ZC3H12B: variants seen among roughly 807,000 people sequenced by gnomAD.
ZC3H12B encodes probable ribonuclease ZC3H12B.
A neutral mutation model predicts 43.9 loss-of-function variants in ZC3H12B; 7 were observed. The observed-to-expected ratio is 0.16, with a 90% CI of 0.09 to 0.30. ZC3H12B has a LOEUF of 0.30. Ranked by LOEUF, ZC3H12B falls within the 10% of genes least tolerant of loss-of-function variation. The pLI is 1.00. For synonymous variants in ZC3H12B, 222 were observed against 241.7 expected (o/e 0.92, Z 0.76); for missense variants, 475 against 670.2 (o/e 0.71, Z 3.22).
chrX:65,205,335 T>G, the ZC3H12B span, among the ~76,000 whole-genome samples: 2 of 111,638 alleles, frequency 1.8e-5, no homozygotes, highest in African/African-American at 6.5e-5. Flanking sequence ...AACCAAAATT[T>G]TAAAGAGTTG....
the ZC3H12B span, among the ~76,000 whole-genome samples, chrX:65,040,177 G>A: frequency 9.0e-6 from 1 of 111,368 alleles, no homozygotes; most frequent in East Asian, 2.8e-4. Flanking sequence ...TGTGACATAA[G>A]TAATAAGTTT....
the ZC3H12B span, among the ~76,000 whole-genome samples, chrX:65,259,223 C>A: frequency 5.4e-5 from 6 of 111,694 alleles, no homozygotes; most frequent in Non-Finnish European, 9.4e-5. Flanking sequence ...GACACATAAA[C>A]TAATGGATCA....
At chrX:65,379,956 G>T (rs1602345759) in intron 2 of ZC3H12B, among the ~76,000 whole-genome samples, 1 of 112,293 alleles carries the variant, frequency 8.9e-6, no homozygotes, top group Non-Finnish European at 1.9e-5. Context: ...ATGGGACTAT[G>T]TGAAAAGACC....
the ZC3H12B span, among the ~76,000 whole-genome samples, chrX:65,101,752 A>G: frequency 3.6e-5 from 4 of 111,959 alleles, no homozygotes. Flanking sequence ...GTAATTAACA[A>G]CCTACCAACC....
chrX:65,278,525 T>A, the ZC3H12B span, among the ~76,000 whole-genome samples: 16 of 112,138 alleles, frequency 1.4e-4, no homozygotes, highest in Admixed American at 6.6e-4. Context: ...ACTTTTTTGA[T>A]AATCTTGCTT....
chrX:65,448,399 C>T (rs1258047059), intron 3 of ZC3H12B, among the ~76,000 whole-genome samples: 2 of 111,917 alleles, frequency 1.8e-5, no homozygotes, highest in Non-Finnish European at 3.8e-5. Context: ...GGGTATCTAC[C>T]CCTTCTTTAA....
intron 1 of ZC3H12B, among the ~76,000 whole-genome samples, chrX:65,491,684 G>C (rs2068204905): frequency 9.8e-6 from 1 of 102,047 alleles, no homozygotes. Flanking sequence ...TCCACCTTGA[G>C]TGATGGAGTG....
intron 3 of ZC3H12B, among the ~76,000 whole-genome samples, chrX:65,467,781 C>T (rs1014759680): frequency 2.7e-5 from 3 of 112,136 alleles, no homozygotes; most frequent in African/African-American, 9.7e-5. Flanking sequence ...ATCACTTGCC[C>T]ACTTTTTGAT....
At chrX:65,432,931 A>T (rs1426257225) in intron 3 of ZC3H12B, among the ~76,000 whole-genome samples, 3 of 112,336 alleles carry the variant, frequency 2.7e-5, no homozygotes, top group East Asian at 5.6e-4. Context: ...AGAAGACAGA[A>T]ATCAAGATCC....
the ZC3H12B span, among the ~76,000 whole-genome samples, chrX:65,116,835 C>T: frequency 9.0e-6 from 1 of 111,240 alleles, no homozygotes; most frequent in East Asian, 2.9e-4. Context: ...TCTTGTGATA[C>T]TTTGCTCAGA....
the ZC3H12B span, among the ~76,000 whole-genome samples, chrX:65,239,826 C>T: frequency 8.0e-5 from 9 of 111,984 alleles, no homozygotes; most frequent in African/African-American, 2.6e-4. Context: ...TTCTCTCTCA[C>T]TTGTGAAGCT....
chrX:65,379,718 A>C (rs958592597), intron 2 of ZC3H12B, among the ~76,000 whole-genome samples: 19 of 111,989 alleles, frequency 1.7e-4, no homozygotes, highest in African/African-American at 5.8e-4. Flanking sequence ...AAAAAAATTT[A>C]GACGAATGTA....
the ZC3H12B span, among the ~76,000 whole-genome samples, chrX:65,337,283 G>C: frequency 2.7e-5 from 3 of 111,857 alleles, no homozygotes; most frequent in African/African-American, 9.8e-5. Context: ...TACCAGAATG[G>C]AGTCCCAATC....
chrX:65,129,341 G>C, the ZC3H12B span, among the ~76,000 whole-genome samples: 2 of 108,994 alleles, frequency 1.8e-5, no homozygotes, highest in Non-Finnish European at 3.8e-5. Context: ...AACAGGCTTT[G>C]TGTGAGCAAC....
chrX:65,211,690 A>T, the ZC3H12B span, among the ~76,000 whole-genome samples: 9 of 89,573 alleles, frequency 1.0e-4, no homozygotes, highest in East Asian at 3.3e-4. Flanking sequence ...TATATATATA[A>T]TATTATATAA....
At chrX:65,153,744 G>A in the ZC3H12B span, among the ~76,000 whole-genome samples, 1 of 111,549 alleles carries the variant, frequency 9.0e-6, no homozygotes, top group Non-Finnish European at 1.9e-5. Flanking sequence ...ATACCCAAAG[G>A]ACTATAAATC....
At chrX:65,207,077 G>C in the ZC3H12B span, among the ~76,000 whole-genome samples, 1 of 109,132 alleles carries the variant, frequency 9.2e-6, no homozygotes, top group East Asian at 2.9e-4. Context: ...AACTAATACA[G>C]CCATTATGGA....
At chrX:65,059,782 G>T in the ZC3H12B span, among the ~76,000 whole-genome samples, 1 of 111,740 alleles carries the variant, frequency 8.9e-6, no homozygotes, top group South Asian at 3.7e-4. Context: ...TATTTTGATA[G>T]GGATTGCATT....
At chrX:65,443,809 G>A (rs767783994) in intron 3 of ZC3H12B, among the ~76,000 whole-genome samples, 1 of 112,445 alleles carries the variant, frequency 8.9e-6, no homozygotes, top group Admixed American at 9.4e-5. Context: ...CCAGTTTTGG[G>A]GCCAGTTTAT....
Sources: gnomAD v4.1 joint callset for allele counts (sites outside exome capture counted in the v4.1 genomes callset) on GRCh38, gnomAD v4.1.1 for gene constraint, MANE v1.5 for transcripts, NCBI Gene and HGNC (gene_info 2026-07-23, HGNC 2026-07-21) for gene names.